Variants in CFHR4 observed in about 807,000 individuals in gnomAD.
CFHR4 encodes the protein complement factor H-related protein 4.
Under a neutral mutation model 69.3 loss-of-function variants are expected in CFHR4, and 64 were observed. The ratio of observed to expected loss-of-function variants is 0.92; its 90% CI spans 0.76 to 1.14. CFHR4 has a LOEUF of 1.14. CFHR4 is among the 50% of genes most tolerant of loss of function. The pLI, the probability that CFHR4 is intolerant of heterozygous loss-of-function variation, is 0.00. For synonymous variants in CFHR4, 244 were observed against 237.0 expected (o/e 1.03, Z -0.27); for missense variants, 636 against 684.9 (o/e 0.93, Z 0.80).
At chr1:196,904,582 T>G (rs1462156877) in intron 2 of CFHR4, among the ~76,000 whole-genome samples, 2 of 151,602 alleles carry the variant, frequency 1.3e-5, no homozygotes, top group African/African-American at 4.9e-5. Flanking sequence ...GTTTGTTTTT[T>G]CCTGCTTACA....
chr1:196,899,546 T>G (rs1182394715), intron 1 of CFHR4, among the ~76,000 whole-genome samples: 1 of 151,580 alleles, frequency 6.6e-6, no homozygotes, highest in Admixed American at 6.6e-5. Flanking sequence ...CCTCCCACCT[T>G]GGCCTCCCAA....
chr1:196,888,280 G>T, intron 1 of CFHR4, 72 bp downstream of exon 1: 1 of 1,465,532 alleles, frequency 6.8e-7, no homozygotes, highest in Non-Finnish European at 9.5e-7. Flanking sequence ...AACTTCATAT[G>T]TCTATAATTT....
At chr1:196,904,294 A>G (rs1455959251) in intron 2 of CFHR4, among the ~76,000 whole-genome samples, 11 of 151,708 alleles carry the variant, frequency 7.3e-5, no homozygotes, top group Admixed American at 7.2e-4. Flanking sequence ...AGAATAGATC[A>G]GAAAACTCAT....
intron 7 of CFHR4, among the ~76,000 whole-genome samples, chr1:196,913,484 G>A (rs1418380651): frequency 6.6e-6 from 1 of 151,400 alleles, no homozygotes; most frequent in East Asian, 1.9e-4. Flanking sequence ...TGGGTGGGCT[G>A]AATGTTTACA....
intron 1 of CFHR4, 35 bp from the exon 2 acceptor site, chr1:196,902,383 C>A: frequency 7.2e-7 from 1 of 1,382,192 alleles, no homozygotes; most frequent in Non-Finnish European, 1.0e-6. Context: ...TATAGAAAAA[C>A]ATTATTTATA....
chr1:196,913,659 A>G (rs1658407530), intron 7 of CFHR4, among the ~76,000 whole-genome samples: 1 of 151,452 alleles, frequency 6.6e-6, no homozygotes, highest in Non-Finnish European at 1.5e-5. Flanking sequence ...ATTTTTAAAG[A>G]TAAATTGCCT....
Position 196,888,214 on chromosome 1 carries a change from T to C in CFHR4, c.58+6T>C, listed in dbSNP as rs775439364. On this transcript the variant is annotated splice_donor_region_variant and intron_variant, in intron 1 of 9. Transcript: ENST00000608469. ...TTCCTGTGCTAATGGACAAGGTAAG[T>C]TGAAAGAGATCTAAACACTCAGCTT... is the stretch of plus-strand genomic sequence containing the variant. 6.2e-6 allele frequency: 10 copies of C among 1,610,398 alleles called. No homozygotes were observed. The highest frequency in any genetic ancestry group is 1.6e-4 in the Middle Eastern group (1 of 6,070).
Position 196,912,797 on chromosome 1 carries a change from C to T in CFHR4, c.1055C>T (p.Ser352Phe), listed in dbSNP as rs760832074. ...AATGGATTCATTTCTGAATCTTCCT[C>T]TATTTATATTTTAAATAAAGAAATA... ...IENGFISESS[S>F]IYILNKEIQY... The change falls in exon 7 of 10, where the codon TCT becomes TTT. Residue 352 changes from serine to phenylalanine, a missense_variant. By Grantham distance (155) the Ser-to-Phe change is radical (BLOSUM62 -2). Transcript: ENST00000608469. 26 of 1,598,880 alleles carry T rather than the reference C, an allele frequency of 1.6e-5. 1 individual carries two copies. Among genetic ancestry groups the T allele is most frequent in the Non-Finnish European group, 2.2e-5 (26 of 1,172,632 alleles).
intron 6 of CFHR4, 116 bp downstream of exon 6, chr1:196,910,594 G>T: frequency 1.2e-6 from 1 of 836,052 alleles, no homozygotes; most frequent in Non-Finnish European, 1.8e-6. Context: ...AGGAAGAGTT[G>T]TTCATGCAAA....
chr1:196,914,696 T>G, intron 8 of CFHR4, 25 bp downstream of exon 8: 5 of 1,554,228 alleles, frequency 3.2e-6, no homozygotes, highest in Non-Finnish European at 3.5e-6. Flanking sequence ...CAAGTATTTT[T>G]TATTAGAATT....
At chr1:196,904,880 G>C (rs1250265020) in intron 2 of CFHR4, among the ~76,000 whole-genome samples, 1 of 151,500 alleles carries the variant, frequency 6.6e-6, no homozygotes, top group Non-Finnish European at 1.5e-5. Flanking sequence ...GCCTGCCAGA[G>C]CTCTGTTGAC....
chr1:196,911,504 T>C (rs1331962765), intron 6 of CFHR4, among the ~76,000 whole-genome samples: 2 of 142,632 alleles, frequency 1.4e-5, no homozygotes, highest in Non-Finnish European at 2.9e-5. Flanking sequence ...TTATAGTTAA[T>C]GCTCTGTTGC....
Position 196,902,613 on chromosome 1 carries a change from T to A in CFHR4, c.254T>A (p.Leu85His). 6.2e-7 allele frequency: 1 copy of A among 1,603,536 alleles called. No individual in the cohort carries two copies. Among genetic ancestry groups the A allele is most frequent in the Non-Finnish European group, 8.5e-7 (1 of 1,171,928 alleles). Residue 85 changes from leucine to histidine, a missense_variant and splice_region_variant, in exon 2 of 10, where the codon CTC (leucine) becomes CAC (histidine). Leu to His is a moderately conservative substitution (Grantham distance 99). This residue lies in a region of CFHR4 where 529 missense variants were observed against 533.2 expected (regional missense o/e 0.99). Transcript: ENST00000608469. Reference protein sequence around the residue: ...QDGWSPTVPCLRTCSKSDVEI... With the variant: ...QDGWSPTVPCHRTCSKSDVEI... ...GGTTGGTCACCAACGGTCCCATGCC[T>A]CAGTAAGTAAACCTCTTTACAAGAA...
chr1:196,905,525 C>T (rs1657862647), intron 3 of CFHR4, among the ~76,000 whole-genome samples: 20 of 151,460 alleles, frequency 1.3e-4, no homozygotes, highest in Admixed American at 1.3e-3. Flanking sequence ...TACGTAAAAG[C>T]AATCCCATCA....
chr1:196,908,518 C>T (rs1039701679), intron 5 of CFHR4, among the ~76,000 whole-genome samples: 4 of 151,308 alleles, frequency 2.6e-5, no homozygotes, highest in Non-Finnish European at 5.9e-5. Context: ...CATCTCCTCT[C>T]CCCTCGTCCC....
intron 6 of CFHR4, among the ~76,000 whole-genome samples, chr1:196,911,468 C>G (rs1049309237): frequency 2.0e-5 from 3 of 151,140 alleles, no homozygotes; most frequent in Admixed American, 6.6e-5. Flanking sequence ...ACTGCTACAT[C>G]TCTCACAACT....
intron 6 of CFHR4, 71 bp downstream of exon 6, chr1:196,910,549 G>A (rs1658204886): frequency 7.8e-7 from 1 of 1,276,772 alleles, no homozygotes; most frequent in South Asian, 1.3e-5. Context: ...GCAAACAAAT[G>A]ATTACATTGT....
chr1:196,902,457 G>A lies in CFHR4; in HGVS notation c.98G>A (p.Gly33Asp). The change falls in exon 2 of 10, where the codon GGT (glycine) becomes GAT (aspartate). Residue 33 changes from glycine to aspartate, a missense_variant. Gly to Asp is a moderately conservative substitution (Grantham distance 94). Around this residue, in one of 3 missense-constraint regions of CFHR4, gnomAD observed 529 missense variants for 533.2 expected, o/e 0.99. Transcript: ENST00000608469. ...GATTTTCCAGAAATTCAACATGGAGGTCTATATTATAAGAGTTTGCGTAGA... is the reference window on the plus strand; with the variant it reads ...GATTTTCCAGAAATTCAACATGGAGATCTATATTATAAGAGTTTGCGTAGA... ...PCDFPEIQHG[G>D]LYYKSLRRLY... is the part of the protein sequence containing the mutation. 3 of 1,611,452 alleles carry A rather than the reference G, an allele frequency of 1.9e-6. No individual in the cohort carries two copies. Among genetic ancestry groups the A allele is most frequent in the Admixed American group, 1.7e-5 (1 of 59,850 alleles).
rs558763168 is a variant in CFHR4, at chr1:196,914,531, C to A, written c.1217C>A (p.Ala406Asp). The A allele has an allele frequency of 2.5e-6, 4 of 1,606,642 alleles. No homozygotes were observed. The highest frequency in any genetic ancestry group is 1.7e-5 in the Admixed American group (1 of 58,852). ...CDMPVFENSR[A>D]KSNGMRFKLH... ...ATGCCTGTTTTTGAGAATTCCAGAGCCAAGAGTAATGGCATGCGGTTTAAG... is the reference window on the plus strand; with the variant it reads ...ATGCCTGTTTTTGAGAATTCCAGAGACAAGAGTAATGGCATGCGGTTTAAG... The change falls in exon 8 of 10, where the codon GCC becomes GAC. Residue 406 changes from alanine to aspartate, a missense_variant. Ala to Asp is a moderately radical substitution (Grantham distance 126, BLOSUM62 -2). This residue lies in a region of CFHR4 where 529 missense variants were observed against 533.2 expected (regional missense o/e 0.99). Coordinates refer to ENST00000608469, the MANE Select transcript of CFHR4 (RefSeq NM_001201550.3).
Sources: allele counts gnomAD v4.1 joint callset (sites outside exome capture counted in the v4.1 genomes callset), GRCh38; gene constraint gnomAD v4.1.1; regional missense constraint gnomAD v4.1.1; transcripts MANE v1.5; gene names NCBI Gene and HGNC (gene_info 2026-07-23, HGNC 2026-07-21).